The following OGT variants were observed in gnomAD, a reference collection of about 807,000 sequenced individuals.
OGT encodes the protein UDP-N-acetylglucosamine--peptide N-acetylglucosaminyltransferase 110 kDa subunit.
A neutral mutation model predicts 75.8 loss-of-function variants in OGT; 3 were observed. The observed-to-expected ratio is 0.04, with a 90% CI of 0.02 to 0.10. The LOEUF is 0.10. Among genes scored for constraint, OGT ranks in the 10% least tolerant of loss-of-function variants. The probability of loss-of-function intolerance (pLI) is 1.00; values close to 1 mark genes in which losing one functional copy is unlikely to be tolerated. For missense variants in OGT, 260 were observed against 824.4 expected, an observed-to-expected ratio of 0.32 and a Z score of 8.38; for synonymous variants, 257 against 289.7, an observed-to-expected ratio of 0.89 and a Z score of 1.15.
chrX:71,556,081 G>A lies in OGT; in HGVS notation c.1052G>A (p.Arg351His). The change falls in exon 8 of 22, where the codon CGT (arginine) becomes CAT (histidine). Residue 351 changes from arginine (R) to histidine (H), a missense_variant. This residue lies in a region of OGT where 99 missense variants were observed against 417.9 expected (regional missense o/e 0.24). Transcript: ENST00000373719. ...ATTGAAGAGGCAGTTCGCTTGTATC[G>A]TAAAGCATTAGAAGTATGTGAGGGT... ...GNIEEAVRLYRKALEVFPEFA... is the reference protein window; with the variant it reads ...GNIEEAVRLYHKALEVFPEFA... 1 of 1,211,413 alleles carries A rather than the reference G, an allele frequency of 8.3e-7. No homozygotes were observed. Among genetic ancestry groups the A allele is most frequent in the Non-Finnish European group, 1.1e-6 (1 of 895,236 alleles).
chrX:71,555,412 T>C (rs749527498), intron 7 of OGT, 27 bp downstream of exon 7: 1 of 1,169,966 alleles, frequency 8.5e-7, no homozygotes, highest in South Asian at 1.9e-5. Context: ...ATTCTATTTG[T>C]TATCTGGTAG....
intron 3 of OGT, 75 bp downstream of exon 3, chrX:71,538,147 A>G (rs886445607): frequency 1.8e-6 from 2 of 1,094,816 alleles, no homozygotes; most frequent in East Asian, 3.0e-5. Context: ...TTCAGACACT[A>G]AAGTAGGTTT....
chrX:71,565,363 A>G (rs780731993), intron 19 of OGT, among the ~76,000 whole-genome samples: 43 of 109,924 alleles, frequency 3.9e-4, no homozygotes, highest in African/African-American at 1.4e-3. Flanking sequence ...AGTAGCTGGG[A>G]TTACAGGCAT....
At chrX:71,552,492 G>T (rs2040312870) in intron 5 of OGT, among the ~76,000 whole-genome samples, 1 of 107,231 alleles carries the variant, frequency 9.3e-6, no homozygotes, top group Admixed American at 1.0e-4. Flanking sequence ...AGGCTCAAGG[G>T]ATTCACTTGC....
intron 8 of OGT, chrX:71,556,458 A>G: frequency 2.7e-6 from 1 of 366,546 alleles, no homozygotes; most frequent in Non-Finnish European, 4.7e-6. Context: ...TGGAGTGGTC[A>G]GGATAAACTA....
At chrX:71,558,940 A>AT (rs1225555559) in intron 12 of OGT, among the ~76,000 whole-genome samples, 4,413 of 83,496 alleles carry the variant, frequency 0.053, 177 homozygotes, top group Non-Finnish European at 0.088. Flanking sequence ...CGCCCAGCTA[A>AT]TTTTTTTTTT....
chrX:71,568,680 T>C (rs1314971652), intron 21 of OGT, among the ~76,000 whole-genome samples: 1 of 109,535 alleles, frequency 9.1e-6, no homozygotes. Context: ...ATACAAAAAT[T>C]AGTTGGGTGT....
Position 71,555,241 on chromosome X carries a change from G to T in OGT, c.780G>T (p.Val260=). ...RALSLSPNHA[V]VHGNLACVYY... Reference sequence around the variant, plus strand: ...TAAGTTTGAGTCCAAATCACGCAGTGGTGCACGGCAACCTGGCTTGTGTAT... The same window carrying T: ...TAAGTTTGAGTCCAAATCACGCAGTTGTGCACGGCAACCTGGCTTGTGTAT... Residue 260 remains valine, a synonymous_variant, in exon 7 of 22, where the codon GTG becomes GTT. Transcript: ENST00000373719. The T allele has an allele frequency of 8.3e-7, 1 of 1,208,935 alleles. No individual in the cohort carries two copies. The highest frequency in any genetic ancestry group is 1.1e-6 in the Non-Finnish European group (1 of 894,841).
Position 71,544,668 on chromosome X carries a change from G to A in OGT, c.531+33G>A, listed in dbSNP as rs181500624. 79 of 1,115,141 alleles carry A rather than the reference G, an allele frequency of 7.1e-5. 1 individual carries two copies. In the Admixed American group the frequency reaches 1.3e-3, roughly 18 times the overall value. 91.9% of individuals were successfully genotyped at this position (1,115,141 alleles called of 1,213,427 possible). A position where few individuals can be genotyped will look rare whatever the true frequency, so the allele number is the denominator to read the frequency against. ...TTTGATAGAACACATTTAAACATCA[G>A]TATTATGAAAACTTGTACTTTTTGC... On this transcript the variant is annotated intron_variant, in intron 4 of 21. Transcript: ENST00000373719.
At chrX:71,566,620 G>T (rs1455029890) in intron 19 of OGT, among the ~76,000 whole-genome samples, 1 of 111,907 alleles carries the variant, frequency 8.9e-6, no homozygotes, top group African/African-American at 3.2e-5. Flanking sequence ...GACACATGGG[G>T]CTTATGGGAA....
chrX:71,561,721 A>T, intron 14 of OGT, 54 bp from the exon 15 acceptor site: 1 of 1,035,703 alleles, frequency 9.7e-7, no homozygotes, highest in Middle Eastern at 3.1e-4. Flanking sequence ...AAATGTCATT[A>T]AAACTAATTG....
intron 4 of OGT, chrX:71,546,123 A>G: frequency 1.3e-6 from 1 of 752,512 alleles, no homozygotes; most frequent in Non-Finnish European, 1.6e-6. Context: ...TTTGTAGAAA[A>G]TGAAGAGCCT....
intron 3 of OGT, among the ~76,000 whole-genome samples, chrX:71,540,278 C>T (rs1365338487): frequency 8.9e-6 from 1 of 112,500 alleles, no homozygotes; most frequent in Non-Finnish European, 1.9e-5. Flanking sequence ...AACTTACTGT[C>T]AAATGCCCGT....
intron 1 of OGT, 47 bp from the exon 2 acceptor site, chrX:71,536,129 CTT>C (rs993420278): frequency 9.1e-7 from 1 of 1,097,240 alleles, no homozygotes; most frequent in African/African-American, 1.9e-5. Flanking sequence ...ACATTTCTAA[CTT>C]TTTGTTTTCC....
At chrX:71,540,412 G>A (rs1326728765) in intron 3 of OGT, among the ~76,000 whole-genome samples, 3 of 112,019 alleles carry the variant, frequency 2.7e-5, no homozygotes, top group Non-Finnish European at 3.8e-5. Context: ...ATGAAAAATG[G>A]TTAAAGAAAC....
At chrX:71,533,940 T>C (rs1315795513) in intron 1 of OGT, among the ~76,000 whole-genome samples, 1 of 111,930 alleles carries the variant, frequency 8.9e-6, no homozygotes, top group Admixed American at 9.5e-5. Context: ...AGTGCCTTTC[T>C]GGTGTTCTTT....
intron 14 of OGT, among the ~76,000 whole-genome samples, chrX:71,559,896 A>G (rs931037521): frequency 8.9e-6 from 1 of 111,744 alleles, no homozygotes; most frequent in Non-Finnish European, 1.9e-5. Context: ...TGGACATACA[A>G]CTTTTCTGGA....
At position 71,574,146 on chromosome X, in the gene OGT, A is replaced by AT. The variant is rs201184628; in HGVS notation, c.*361dup. 5.6e-3 allele frequency: 699 copies of AT among 123,916 alleles called. 3 individuals carry two copies. Among genetic ancestry groups the AT allele is most frequent in the Non-Finnish European group, 8.7e-3 (539 of 62,019 alleles). 10.2% of individuals were successfully genotyped at this position (123,916 alleles called of 1,213,427 possible). The stretch of plus-strand genomic sequence containing the variant: ...TCCATGGATTGATTCAGTCTTCTGG[A>AT]TTTTTTTTTCTTTATATTTTGGGTA... On this transcript the variant is annotated 3_prime_UTR_variant, in exon 22 of 22. Coordinates refer to ENST00000373719, the MANE Select transcript of OGT (RefSeq NM_181672.3).
intron 3 of OGT, among the ~76,000 whole-genome samples, chrX:71,544,214 TAGAA>T (rs1392097201): frequency 2.7e-5 from 3 of 112,028 alleles, no homozygotes; most frequent in Non-Finnish European, 3.8e-5. Flanking sequence ...TTTAGGATAT[TAGAA>T]AGATAATACC....
Sources: gnomAD v4.1 joint callset for allele counts (sites outside exome capture counted in the v4.1 genomes callset) on GRCh38, gnomAD v4.1.1 for gene constraint, gnomAD v4.1.1 regional missense constraint, MANE v1.5 for transcripts, NCBI Gene and HGNC (gene_info 2026-07-23, HGNC 2026-07-21) for gene names.